The following CAPG variants were observed in gnomAD, a reference collection of about 807,000 sequenced individuals.
The protein encoded by CAPG is macrophage-capping protein.
CAPG carries 32 observed loss-of-function variants against 44.6 expected under a neutral mutation model. The ratio of observed to expected loss-of-function variants is 0.72; its 90% CI spans 0.54 to 0.96. The LOEUF is 0.96. CAPG is among the 50% of genes least tolerant of loss of function. The pLI, the probability that CAPG is intolerant of heterozygous loss-of-function variation, is 0.00. For missense variants in CAPG, 412 were observed against 438.3 expected (o/e 0.94, Z 0.54); for synonymous variants, 175 against 179.6 (o/e 0.97, Z 0.20).
chr2:85,403,070 A>G (rs1274000721), intron 1 of CAPG, among the ~76,000 whole-genome samples: 1 of 152,118 alleles, frequency 6.6e-6, no homozygotes, highest in African/African-American at 2.4e-5. Flanking sequence ...CGTGCCTGGC[A>G]AGTTGTTTTT....
intron 1 of CAPG, among the ~76,000 whole-genome samples, chr2:85,409,556 G>A (rs1235069193): frequency 6.6e-6 from 1 of 151,954 alleles, no homozygotes; most frequent in Non-Finnish European, 1.5e-5. Flanking sequence ...TTGCCCCTAG[G>A]TGTGAAATGA....
intron 8 of CAPG, among the ~76,000 whole-genome samples, chr2:85,397,670 T>C (rs1686665383): frequency 6.8e-6 from 1 of 147,914 alleles, no homozygotes; most frequent in Non-Finnish European, 1.5e-5. Context: ...GCCACTGCAC[T>C]CCAGCCTGGG....
At chr2:85,402,072 T>C in intron 2 of CAPG, 51 bp downstream of exon 2, 2 of 1,610,682 alleles carry the variant, frequency 1.2e-6, no homozygotes, top group Non-Finnish European at 1.7e-6. Flanking sequence ...GGGGCAGCCC[T>C]TGGAGGTAAA....
chr2:85,398,247 C>G, intron 7 of CAPG, 95 bp from the exon 8 acceptor site: 1 of 1,428,774 alleles, frequency 7.0e-7, no homozygotes, highest in South Asian at 1.3e-5. Context: ...AGGTCCCTCC[C>G]ACTGTGCCTC....
intron 1 of CAPG, among the ~76,000 whole-genome samples, chr2:85,416,395 C>T (rs893909639): frequency 6.6e-6 from 1 of 151,556 alleles, no homozygotes; most frequent in East Asian, 1.9e-4. Context: ...TCTGGCTCCT[C>T]TAACTCCAAC....
Position 85,398,492 on chromosome 2 carries a change from C to T in CAPG, c.759+198G>A, listed in dbSNP as rs971409415. 21 of 597,818 alleles carry T rather than the reference C, an allele frequency of 3.5e-5. 1 individual carries two copies. Among genetic ancestry groups the T allele is most frequent in the Admixed American group, 1.5e-4 (5 of 33,268 alleles). The allele number at this position is 597,818 out of a possible 1,614,324, so 37.0% of individuals were successfully genotyped here. A position where few individuals can be genotyped will look rare whatever the true frequency, so the allele number is the denominator to read the frequency against. ...TAGGCTGGAAGTGAGGTGCACTCAT[C>T]TCCTCAGGAGGGCCTGCCTTCCGCC... On this transcript the variant is annotated intron_variant, in intron 7 of 9. Coordinates refer to ENST00000263867, the MANE Select transcript of CAPG (RefSeq NM_001747.4).
chr2:85,399,424 A>C, intron 5 of CAPG, 139 bp from the exon 6 acceptor site: 2 of 824,982 alleles, frequency 2.4e-6, no homozygotes, highest in Non-Finnish European at 3.8e-6. Context: ...AGAGCACAGC[A>C]CAGAGGGCTC....
intron 7 of CAPG, 63 bp from the exon 8 acceptor site, chr2:85,398,215 G>T: frequency 6.3e-7 from 1 of 1,579,826 alleles, no homozygotes; most frequent in Non-Finnish European, 8.6e-7. Context: ...TCAGCCTGAG[G>T]AGGGGGAGGC....
chr2:85,395,747 C>G lies in CAPG; in HGVS notation c.893-121G>C, dbSNP rs2104780687. On this transcript the variant is annotated intron_variant, in intron 8 of 9. Coordinates refer to ENST00000263867, the MANE Select transcript of CAPG (RefSeq NM_001747.4). This position sits in a 1 kb window ranked among gnomAD's most constrained non-coding sequence, Gnocchi z 4.3. ...GCCAGCAATTTTTACAATAAATGGACCAGGGGTCCCAAGAATGCCGAGGGG... is the reference window on the plus strand; with the variant it reads ...GCCAGCAATTTTTACAATAAATGGAGCAGGGGTCCCAAGAATGCCGAGGGG... 1.5e-6 allele frequency: 1 copy of G among 670,316 alleles called. No individual in the cohort carries two copies. The highest frequency in any genetic ancestry group is 2.6e-6 in the Non-Finnish European group (1 of 381,822). The allele number at this position is 670,316 out of a possible 1,614,324, so 41.5% of individuals were successfully genotyped here. A position where few individuals can be genotyped will look rare whatever the true frequency, so the allele number is the denominator to read the frequency against.
chr2:85,408,935 T>C (rs1296997670), intron 1 of CAPG: 1 of 152,276 alleles, frequency 6.6e-6, no homozygotes, highest in African/African-American at 2.4e-5. Flanking sequence ...ATCTCTTCTA[T>C]AGCATCCCTT....
chr2:85,402,381 C>G (rs1189250277), intron 1 of CAPG, among the ~76,000 whole-genome samples: 2 of 152,122 alleles, frequency 1.3e-5, no homozygotes, highest in African/African-American at 4.8e-5. Flanking sequence ...TCTCTGACCC[C>G]TGGGCCAGGG....
At chr2:85,410,860 T>C (rs1012185134), upstream of CAPG, among the ~76,000 whole-genome samples, 4 of 134,822 alleles carry the variant, frequency 3.0e-5, no homozygotes, top group African/African-American at 1.1e-4. Flanking sequence ...TTTTTGGTTT[T>C]TTTTGTTTTT....
chr2:85,399,416 A>G, intron 5 of CAPG, 131 bp from the exon 6 acceptor site: 1 of 911,758 alleles, frequency 1.1e-6, no homozygotes, highest in Non-Finnish European at 1.7e-6. Flanking sequence ...AGGAAGGCAG[A>G]GCACAGCACA....
At chr2:85,419,059 G>C (rs1470915351), upstream of CAPG, 1 of 152,466 alleles carries the variant, frequency 6.6e-6, no homozygotes, top group African/African-American at 2.4e-5. Flanking sequence ...AGGAGGAGCA[G>C]CCCAGACCCT....
In CAPG at chr2:85,399,259, C is replaced by T. The variant is rs1236878960; in HGVS notation, c.543G>A (p.Lys181=). Residue 181 remains lysine, a synonymous_variant, in exon 6 of 10, where the codon AAG becomes AAA. Transcript: ENST00000263867. ...CCTTGTTGCGTTCCAGGATGTTGGA[C>T]TTTCCACCACACCAGGCGAAGATGT... The part of the protein sequence containing the change: ...GQNIFAWCGG[K]SNILERNKAR... The T allele has an allele frequency of 6.2e-7, 1 of 1,614,204 alleles. No individual in the cohort carries two copies. The highest frequency in any genetic ancestry group is 1.7e-5 in the Admixed American group (1 of 60,032).
chr2:85,399,347 G>A (rs1686769237), intron 5 of CAPG, 62 bp from the exon 6 acceptor site: 1 of 1,562,278 alleles, frequency 6.4e-7, no homozygotes, highest in African/African-American at 1.4e-5. Context: ...CCCCAGCTCA[G>A]AGAAGGGCGC....
chr2:85,395,833 G>C lies in CAPG; in HGVS notation c.893-207C>G, dbSNP rs1270142642. ...TTCCCAAACCGGCAGCACCAAGGTA[G>C]ATGAAAACCCCTCGTCTGCCCGGGT... On this transcript the variant is annotated intron_variant, in intron 8 of 9. Coordinates refer to ENST00000263867, the MANE Select transcript of CAPG (RefSeq NM_001747.4). The surrounding 1 kb of genome is among the most constrained non-coding windows in gnomAD (Gnocchi z 4.3). 3.5e-6 allele frequency: 2 copies of C among 565,778 alleles called. No homozygotes were observed. The highest frequency in any genetic ancestry group is 6.3e-6 in the Non-Finnish European group (2 of 315,098). The allele number at this position is 565,778 out of a possible 1,614,324, so 35.0% of individuals were successfully genotyped here.
Position 85,398,680 on chromosome 2 carries a change from G to C in CAPG, c.759+10C>G. Reference sequence around the variant, plus strand: ...GCTGCCGGGTCCCAGGGCAGGCTTGGGGGGCCCACCTTATACAGAGCTGCG... The same window carrying C: ...GCTGCCGGGTCCCAGGGCAGGCTTGCGGGGCCCACCTTATACAGAGCTGCG... On this transcript the variant is annotated intron_variant, in intron 7 of 9. Coordinates refer to ENST00000263867, the MANE Select transcript of CAPG (RefSeq NM_001747.4). The C allele has an allele frequency of 1.9e-6, 3 of 1,592,146 alleles. No homozygotes were observed. The highest frequency in any genetic ancestry group is 2.6e-6 in the Non-Finnish European group (3 of 1,168,836).
chr2:85,406,166 A>C (rs1396974591), intron 1 of CAPG, among the ~76,000 whole-genome samples: 10 of 151,142 alleles, frequency 6.6e-5, no homozygotes, highest in African/African-American at 2.4e-4. Flanking sequence ...TCCGGAAATC[A>C]CTTGAACCTG....
Sources: allele counts gnomAD v4.1 joint callset (sites outside exome capture counted in the v4.1 genomes callset), GRCh38; gene constraint gnomAD v4.1.1; non-coding constraint Gnocchi (gnomAD v3.1); transcripts MANE v1.5; gene names NCBI Gene and HGNC (gene_info 2026-07-23, HGNC 2026-07-21).